The following NRXN1 variants were observed in gnomAD, a reference collection of about 807,000 sequenced individuals.
NRXN1 encodes neurexin-1.
NRXN1 carries 39 observed loss-of-function variants against 150.9 expected under a neutral mutation model. That is an observed-to-expected ratio of 0.26 (90% CI 0.20 to 0.34). The LOEUF (loss-of-function observed/expected upper bound fraction) is 0.34. Ranked by LOEUF, NRXN1 falls within the 10% of genes least tolerant of loss-of-function variation. NRXN1 has a pLI of 1.00. For missense variants in NRXN1, 1,815 were observed against 1,949.9 expected (o/e 0.93, Z 1.30); for synonymous variants, 924 against 757.0 (o/e 1.22, Z -3.62).
chr2:50,421,264 C>T (rs1167767481), intron 17 of NRXN1, among the ~76,000 whole-genome samples: 3 of 151,842 alleles, frequency 2.0e-5, no homozygotes, highest in South Asian at 2.1e-4. Flanking sequence ...GCCAAAACAG[C>T]GATTTTCAAT....
chr2:50,125,931 T>TA (rs1176414439), intron 18 of NRXN1, among the ~76,000 whole-genome samples: 2 of 152,126 alleles, frequency 1.3e-5, no homozygotes, highest in East Asian at 3.9e-4. Context: ...GAGCAAAAGA[T>TA]AGTTTTTGTT....
In NRXN1 at chr2:50,741,976, C is replaced by T. The variant is rs1308524906; in HGVS notation, c.833-118361G>A. ...TCAAAACTCATTCAAACAATATTCG[C>T]TTTAATAAGTTGGTGTTTACTTGCC... is the stretch of plus-strand genomic sequence containing the variant. On this transcript the variant is annotated intron_variant, in intron 5 of 22. Coordinates refer to ENST00000401669, the MANE Select transcript of NRXN1 (RefSeq NM_001330078.2). Among the ~76,000 whole-genome samples the T allele has an allele frequency of 2.0e-5, 3 of 152,196 alleles. No individual in the cohort carries two copies. The East Asian group carries it at 5.8e-4, about 29-fold the overall frequency.
At chr2:50,383,409 C>T (rs1026210183) in intron 17 of NRXN1, among the ~76,000 whole-genome samples, 2 of 152,042 alleles carry the variant, frequency 1.3e-5, no homozygotes, top group African/African-American at 2.4e-5. Flanking sequence ...TCCATACAGT[C>T]TGAGATCTCC....
intron 15 of NRXN1, among the ~76,000 whole-genome samples, chr2:50,481,567 A>C (rs895910404): frequency 2.0e-5 from 3 of 152,164 alleles, no homozygotes; most frequent in African/African-American, 4.8e-5. Flanking sequence ...GAGATAAATC[A>C]GACACTTGTA....
intron 18 of NRXN1, among the ~76,000 whole-genome samples, chr2:50,187,866 T>C (rs1408681442): frequency 6.6e-6 from 1 of 152,150 alleles, no homozygotes; most frequent in Admixed American, 6.6e-5. Context: ...AGTTCACTCA[T>C]GATTTGGCAC....
intron 12 of NRXN1, among the ~76,000 whole-genome samples, chr2:50,521,061 G>A (rs1375339100): frequency 1.3e-5 from 2 of 152,046 alleles, no homozygotes; most frequent in African/African-American, 4.8e-5. Context: ...TTGTATAGAA[G>A]TTCATACTTA....
At chr2:50,335,758 A>G (rs2077147158) in intron 17 of NRXN1, among the ~76,000 whole-genome samples, 3 of 152,228 alleles carry the variant, frequency 2.0e-5, no homozygotes, top group Non-Finnish European at 4.4e-5. Context: ...ATCAGACACC[A>G]GGAAAGGATC....
chr2:49,984,560 A>G (rs1247687948), intron 21 of NRXN1, among the ~76,000 whole-genome samples: 1 of 152,070 alleles, frequency 6.6e-6, no homozygotes, highest in Admixed American at 6.6e-5. Flanking sequence ...CTCCTCTTTT[A>G]TGGCTCTTGG....
chr2:50,793,548 T>G (rs191630574), intron 5 of NRXN1, among the ~76,000 whole-genome samples: 46 of 152,230 alleles, frequency 3.0e-4, no homozygotes, highest in Non-Finnish European at 4.0e-4. Flanking sequence ...TATCCCTTAA[T>G]TTTATTATCA....
At chr2:50,893,026 G>C (rs1681326272) in intron 5 of NRXN1, among the ~76,000 whole-genome samples, 1 of 152,078 alleles carries the variant, frequency 6.6e-6, no homozygotes, top group African/African-American at 2.4e-5. Flanking sequence ...TCCTCTGATG[G>C]GCAGTCTTCA....
chr2:50,296,081 T>C (rs896054737), intron 17 of NRXN1, among the ~76,000 whole-genome samples: 3 of 152,242 alleles, frequency 2.0e-5, no homozygotes, highest in Non-Finnish European at 4.4e-5. Context: ...ACGGCATTTC[T>C]AGGCAGACAA....
intron 2 of NRXN1, among the ~76,000 whole-genome samples, chr2:50,974,733 G>T (rs774377269): frequency 2.0e-5 from 3 of 151,658 alleles, no homozygotes; most frequent in Admixed American, 6.6e-5. Flanking sequence ...TAAATCTAGC[G>T]TAATTGCAAT....
intron 18 of NRXN1, among the ~76,000 whole-genome samples, chr2:50,134,458 G>A (rs1303871720): frequency 1.3e-5 from 2 of 152,062 alleles, no homozygotes; most frequent in South Asian, 2.1e-4. Flanking sequence ...GGGTCCCGAG[G>A]CATAAATGCA....
intron 18 of NRXN1, among the ~76,000 whole-genome samples, chr2:50,182,091 C>CTTTTTTTTTTTTT (rs2060760911): frequency 6.9e-6 from 1 of 144,954 alleles, no homozygotes. Context: ...TTGGTTACTA[C>CTTTTTTTTTTTTT]TTCTTAAAAA....
chr2:50,818,471 T>C (rs2105808877), intron 5 of NRXN1, among the ~76,000 whole-genome samples: 1 of 152,056 alleles, frequency 6.6e-6, no homozygotes, highest in South Asian at 2.1e-4. Flanking sequence ...TTTTATTGTA[T>C]ATATCCATAT....
At chr2:50,299,965 G>A (rs2074001679) in intron 17 of NRXN1, among the ~76,000 whole-genome samples, 2 of 152,098 alleles carry the variant, frequency 1.3e-5, no homozygotes, top group African/African-American at 2.4e-5. Flanking sequence ...CCATCACCAT[G>A]ATTTCTAGAA....
chr2:50,482,370 T>C (rs957391861), intron 15 of NRXN1, among the ~76,000 whole-genome samples: 1 of 152,220 alleles, frequency 6.6e-6, no homozygotes, highest in African/African-American at 2.4e-5. Context: ...TTTAAATTTT[T>C]AAATTTACCT....
intron 17 of NRXN1, among the ~76,000 whole-genome samples, chr2:50,334,593 T>C (rs1469104385): frequency 1.3e-5 from 2 of 152,136 alleles, no homozygotes; most frequent in Admixed American, 6.5e-5. Flanking sequence ...ATTTCCCAAA[T>C]GGCAGGCACT....
intron 21 of NRXN1, among the ~76,000 whole-genome samples, chr2:49,968,677 C>T (rs1230348356): frequency 6.6e-6 from 1 of 151,994 alleles, no homozygotes; most frequent in East Asian, 1.9e-4. Flanking sequence ...AAACATACAG[C>T]GAAATAACAT....
Sources: allele counts gnomAD v4.1 joint callset (sites outside exome capture counted in the v4.1 genomes callset), GRCh38; gene constraint gnomAD v4.1.1; transcripts MANE v1.5; gene names NCBI Gene and HGNC (gene_info 2026-07-23, HGNC 2026-07-21).